LPP: variants seen among roughly 807,000 people sequenced by gnomAD.
LPP encodes the protein LIM domain containing preferred translocation partner in lipoma.
LPP carries 38 observed loss-of-function variants against 60.4 expected under a neutral mutation model. That is an observed-to-expected ratio of 0.63 (90% CI 0.49 to 0.83). The LOEUF (loss-of-function observed/expected upper bound fraction) is 0.83. LPP is among the 40% of genes least tolerant of loss of function. LPP has a pLI of 0.00. For missense variants in LPP, 902 were observed against 783.6 expected (o/e 1.15, Z -1.80); for synonymous variants, 328 against 290.8 (o/e 1.13, Z -1.30).
intron 2 of LPP, among the ~76,000 whole-genome samples, chr3:188,325,072 C>T (rs1758036593): frequency 6.6e-6 from 1 of 152,088 alleles, no homozygotes; most frequent in African/African-American, 2.4e-5. Flanking sequence ...CCTCCACCTT[C>T]TGGGTTCAAG....
intron 9 of LPP, among the ~76,000 whole-genome samples, chr3:188,807,213 C>A (rs969939643): frequency 6.6e-6 from 1 of 151,926 alleles, no homozygotes; most frequent in Non-Finnish European, 1.5e-5. Context: ...CAATGTCTTT[C>A]TTGCTTTCAA....
At chr3:188,454,176 C>T (rs1797224086) in intron 4 of LPP, among the ~76,000 whole-genome samples, 1 of 152,230 alleles carries the variant, frequency 6.6e-6, no homozygotes, top group African/African-American at 2.4e-5. Flanking sequence ...GGTTAGGCAG[C>T]TAGCAGGTGA....
intron 9 of LPP, among the ~76,000 whole-genome samples, chr3:188,831,491 T>C (rs563569127): frequency 5.3e-5 from 8 of 152,304 alleles, no homozygotes; most frequent in African/African-American, 1.9e-4. Context: ...TTTTGGTCTC[T>C]AGCTGGGTGC....
At chr3:188,731,942 A>C (rs1441224605) in intron 8 of LPP, among the ~76,000 whole-genome samples, 1 of 152,152 alleles carries the variant, frequency 6.6e-6, no homozygotes, top group Non-Finnish European at 1.5e-5. Context: ...GGTGTTAGAA[A>C]TGAATGAGAG....
intron 4 of LPP, among the ~76,000 whole-genome samples, chr3:188,428,046 G>C (rs941259469): frequency 6.6e-6 from 1 of 152,132 alleles, no homozygotes; most frequent in African/African-American, 2.4e-5. Flanking sequence ...TGGTGGTGTA[G>C]GCACCCAAGG....
At chr3:188,588,596 A>G (rs988749388) in intron 6 of LPP, among the ~76,000 whole-genome samples, 1 of 152,234 alleles carries the variant, frequency 6.6e-6, no homozygotes. Flanking sequence ...CACATACCTC[A>G]GTTTCCTCAT....
At chr3:188,667,884 T>C (rs994240149) in intron 7 of LPP, among the ~76,000 whole-genome samples, 1 of 151,932 alleles carries the variant, frequency 6.6e-6, no homozygotes, top group African/African-American at 2.4e-5. Context: ...AAAAGATAGA[T>C]TTCTCTTGAT....
At chr3:188,489,493 G>A (rs1807674397) in intron 5 of LPP, among the ~76,000 whole-genome samples, 1 of 152,160 alleles carries the variant, frequency 6.6e-6, no homozygotes, top group Admixed American at 6.5e-5. Flanking sequence ...CACAGAGGAA[G>A]GAGAGCTCAA....
At chr3:188,786,423 T>A (rs1741950502) in intron 9 of LPP, among the ~76,000 whole-genome samples, 1 of 142,626 alleles carries the variant, frequency 7.0e-6, no homozygotes, top group South Asian at 2.2e-4. Context: ...CAACCATCAG[T>A]GCAGAAGAGG....
At chr3:188,534,105 C>G (rs1430011765) in intron 6 of LPP, among the ~76,000 whole-genome samples, 1 of 152,166 alleles carries the variant, frequency 6.6e-6, no homozygotes, top group Non-Finnish European at 1.5e-5. Flanking sequence ...AGAGCTGGCT[C>G]TGAATGTATC....
At chr3:188,596,174 T>A (rs6790544) in intron 6 of LPP, among the ~76,000 whole-genome samples, 51,983 of 151,744 alleles carry the variant, frequency 0.34, 9,167 homozygotes, top group East Asian at 0.41. Flanking sequence ...TTGAAAAAAA[T>A]TTTTTTAAGA....
intron 3 of LPP, 113 bp from the exon 4 acceptor site, chr3:188,405,999 G>T: frequency 4.9e-6 from 4 of 816,844 alleles, no homozygotes; most frequent in Admixed American, 2.8e-5. Context: ...CTTCTTTCCA[G>T]AGAACTTTAT....
At chr3:188,693,867 TA>T (rs1269393870) in intron 7 of LPP, among the ~76,000 whole-genome samples, 2 of 152,234 alleles carry the variant, frequency 1.3e-5, no homozygotes, top group Non-Finnish European at 2.9e-5. Flanking sequence ...AGTGAATCTT[TA>T]TTGGTGCAAA....
chr3:188,615,768 T>C (rs9823794), intron 7 of LPP, among the ~76,000 whole-genome samples: 28,084 of 152,154 alleles, frequency 0.18, 2,714 homozygotes, highest in African/African-American at 0.23. Context: ...TTTTTAATAA[T>C]AGCCATTCTG....
chr3:188,673,174 C>G (rs1214374689), intron 7 of LPP, among the ~76,000 whole-genome samples: 1 of 152,016 alleles, frequency 6.6e-6, no homozygotes, highest in African/African-American at 2.4e-5. Context: ...AGCTTATTTC[C>G]AGTCACGAGA....
intron 2 of LPP, among the ~76,000 whole-genome samples, chr3:188,335,374 G>A (rs971965874): frequency 5.3e-5 from 8 of 152,070 alleles, no homozygotes; most frequent in East Asian, 1.9e-4. Context: ...TGTATCCCTC[G>A]GATAAATACC....
At chr3:188,780,809 A>G (rs1739396608) in intron 9 of LPP, among the ~76,000 whole-genome samples, 1 of 152,224 alleles carries the variant, frequency 6.6e-6, no homozygotes, top group Non-Finnish European at 1.5e-5. Flanking sequence ...AGAAGATGCC[A>G]GAAAATTTAC....
At chr3:188,845,517 T>G (rs1761174146) in intron 9 of LPP, among the ~76,000 whole-genome samples, 1 of 152,246 alleles carries the variant, frequency 6.6e-6, no homozygotes, top group African/African-American at 2.4e-5. Flanking sequence ...AGAAAGGGTC[T>G]CTTTTCAGGT....
At chr3:188,520,230 T>C (rs1417044091) in intron 5 of LPP, among the ~76,000 whole-genome samples, 1 of 152,230 alleles carries the variant, frequency 6.6e-6, no homozygotes, top group Non-Finnish European at 1.5e-5. Flanking sequence ...CATAGGATTT[T>C]TGTGGTCCTT....
Sources: allele counts gnomAD v4.1 joint callset (sites outside exome capture counted in the v4.1 genomes callset), GRCh38; gene constraint gnomAD v4.1.1; transcripts MANE v1.5; gene names NCBI Gene and HGNC (gene_info 2026-07-23, HGNC 2026-07-21).